DPP10: variants seen among roughly 807,000 people sequenced by gnomAD.
DPP10 encodes the protein dipeptidyl peptidase like 10, also known as inactive dipeptidyl peptidase 10.
A neutral mutation model predicts 120.9 loss-of-function variants in DPP10; 33 were observed. That is an observed-to-expected ratio of 0.27 (90% CI 0.21 to 0.37). The LOEUF is 0.37. Ranked by LOEUF, DPP10 falls within the 10% of genes least tolerant of loss-of-function variation. DPP10 has a pLI of 1.00. For synonymous variants in DPP10, 337 were observed against 326.1 expected (o/e 1.03, Z -0.36); for missense variants, 816 against 942.8 (o/e 0.87, Z 1.76).
intron 3 of DPP10, among the ~76,000 whole-genome samples, chr2:115,470,552 G>C (rs543052086): frequency 6.6e-6 from 1 of 151,968 alleles, no homozygotes; most frequent in Non-Finnish European, 1.5e-5. Context: ...TTCAGACTAG[G>C]AGAAAAAAAA....
chr2:114,671,853 A>G (rs893548202), intron 1 of DPP10, among the ~76,000 whole-genome samples: 2 of 152,226 alleles, frequency 1.3e-5, no homozygotes, highest in African/African-American at 4.8e-5. Flanking sequence ...TTAAGCATCT[A>G]CTAAAACTTT....
chr2:114,745,392 G>A (rs1037314248), intron 1 of DPP10, among the ~76,000 whole-genome samples: 1 of 152,084 alleles, frequency 6.6e-6, no homozygotes, highest in Admixed American at 6.6e-5. Context: ...TGCAATGATA[G>A]ATTTTGTTGT....
intron 5 of DPP10, among the ~76,000 whole-genome samples, chr2:115,646,637 C>T (rs1013026877): frequency 6.6e-6 from 1 of 152,158 alleles, no homozygotes; most frequent in African/African-American, 2.4e-5. Context: ...AAGATTTTGA[C>T]ACCATTTAAA....
chr2:115,593,827 T>G (rs2082827423), intron 5 of DPP10, among the ~76,000 whole-genome samples: 1 of 152,228 alleles, frequency 6.6e-6, no homozygotes, highest in Admixed American at 6.5e-5. Flanking sequence ...GATTAATTGC[T>G]TAAAGTTCAA....
At chr2:115,507,844 A>G (rs1405799353) in intron 4 of DPP10, among the ~76,000 whole-genome samples, 1 of 152,164 alleles carries the variant, frequency 6.6e-6, no homozygotes, top group Non-Finnish European at 1.5e-5. Flanking sequence ...TTGCAGTGGT[A>G]CAAGTAGGAG....
At chr2:115,651,212 A>G (rs2087741808) in intron 5 of DPP10, among the ~76,000 whole-genome samples, 1 of 152,120 alleles carries the variant, frequency 6.6e-6, no homozygotes, top group Non-Finnish European at 1.5e-5. Flanking sequence ...CAAATTAATT[A>G]AAAGCGAGAG....
chr2:115,037,008 C>T (rs1369671410), intron 1 of DPP10, among the ~76,000 whole-genome samples: 1 of 152,100 alleles, frequency 6.6e-6, no homozygotes, highest in Non-Finnish European at 1.5e-5. Flanking sequence ...GAGCCATTGT[C>T]ATTCCTCTCA....
chr2:114,798,013 T>C (rs1683865697), intron 1 of DPP10, among the ~76,000 whole-genome samples: 1 of 152,202 alleles, frequency 6.6e-6, no homozygotes, highest in African/African-American at 2.4e-5. Flanking sequence ...TAGTCTCCCA[T>C]AACCTATAAT....
intron 1 of DPP10, among the ~76,000 whole-genome samples, chr2:114,803,256 G>T (rs937818073): frequency 6.6e-6 from 1 of 152,214 alleles, no homozygotes; most frequent in African/African-American, 2.4e-5. Context: ...ATGTGGAATT[G>T]TAAGTTCAGT....
intron 1 of DPP10, among the ~76,000 whole-genome samples, chr2:115,277,107 A>T (rs185068239): frequency 3.9e-5 from 6 of 152,340 alleles, no homozygotes; most frequent in Admixed American, 2.6e-4. Flanking sequence ...TAACTTAGAT[A>T]TTAAGAAAAA....
At chr2:114,558,836 A>T (rs1307789607) in intron 1 of DPP10, among the ~76,000 whole-genome samples, 1 of 152,188 alleles carries the variant, frequency 6.6e-6, no homozygotes, top group Non-Finnish European at 1.5e-5. Flanking sequence ...TCCCTCTCCC[A>T]TCACAATGTC....
intron 1 of DPP10, among the ~76,000 whole-genome samples, chr2:114,544,992 C>T (rs1024869105): frequency 6.6e-6 from 1 of 151,940 alleles, no homozygotes. Flanking sequence ...GCTGGGATTA[C>T]AGGCGCCCGC....
At chr2:115,281,053 A>T (rs2060137087) in intron 1 of DPP10, among the ~76,000 whole-genome samples, 1 of 152,182 alleles carries the variant, frequency 6.6e-6, no homozygotes, top group South Asian at 2.1e-4. Context: ...CACCTAGACC[A>T]TACACAAGAG....
intron 1 of DPP10, among the ~76,000 whole-genome samples, chr2:114,639,199 T>C (rs746126609): frequency 6.6e-6 from 1 of 151,866 alleles, no homozygotes; most frequent in Non-Finnish European, 1.5e-5. Flanking sequence ...TGAAGGTGAA[T>C]GAGGAGCAAA....
intron 1 of DPP10, among the ~76,000 whole-genome samples, chr2:114,446,701 G>A (rs555243672): frequency 3.9e-5 from 6 of 152,042 alleles, no homozygotes; most frequent in Non-Finnish European, 5.9e-5. Flanking sequence ...CATTGTCTTC[G>A]GAGTACATCT....
intron 1 of DPP10, among the ~76,000 whole-genome samples, chr2:115,252,446 A>G (rs1179631682): frequency 6.6e-6 from 1 of 152,224 alleles, no homozygotes; most frequent in Non-Finnish European, 1.5e-5. Context: ...ATTAGATTAT[A>G]TCTGAAATAA....
At chr2:115,096,142 A>G (rs1226915440) in intron 1 of DPP10, among the ~76,000 whole-genome samples, 4 of 152,172 alleles carry the variant, frequency 2.6e-5, no homozygotes, top group Non-Finnish European at 5.9e-5. Context: ...ACTATGTGTC[A>G]AAGTGCCTTA....
At chr2:115,799,917 C>T (rs1684986519) in intron 19 of DPP10, among the ~76,000 whole-genome samples, 1 of 151,946 alleles carries the variant, frequency 6.6e-6, no homozygotes, top group African/African-American at 2.4e-5. Flanking sequence ...GTCTTTATAG[C>T]AGCATGATTT....
At chr2:115,666,308 G>A (rs1007576728) in intron 5 of DPP10, among the ~76,000 whole-genome samples, 2 of 152,126 alleles carry the variant, frequency 1.3e-5, no homozygotes, top group African/African-American at 4.8e-5. Flanking sequence ...CATGGTGGAA[G>A]GCAAAAGGGA....
Sources: allele counts gnomAD v4.1 joint callset (sites outside exome capture counted in the v4.1 genomes callset), GRCh38; gene constraint gnomAD v4.1.1; transcripts MANE v1.5; gene names NCBI Gene and HGNC (gene_info 2026-07-23, HGNC 2026-07-21).